Variants in ADAM20 observed in about 807,000 individuals in gnomAD.
ADAM20 encodes the protein ADAM metallopeptidase domain 20.
For synonymous variants in ADAM20, 305 were observed against 310.2 expected (o/e 0.98, Z 0.18); for missense variants, 871 against 883.2 (o/e 0.99, Z 0.18).
At chr14:70,541,503 A>G in the ADAM20 span, among the ~76,000 whole-genome samples, 1 of 152,366 alleles carries the variant, frequency 6.6e-6, no homozygotes, top group South Asian at 2.1e-4. Flanking sequence ...CTGCTCTTTT[A>G]CAAAAATTAT....
intron 1 of ADAM20, among the ~76,000 whole-genome samples, chr14:70,532,212 C>T (rs1226400628): frequency 2.0e-5 from 3 of 151,734 alleles, no homozygotes; most frequent in African/African-American, 7.3e-5. Flanking sequence ...ATAAAGGTGC[C>T]AAAACTACAC....
At chr14:70,546,884 CA>C in the ADAM20 span, among the ~76,000 whole-genome samples, 4 of 151,744 alleles carry the variant, frequency 2.6e-5, no homozygotes, top group South Asian at 8.3e-4. Flanking sequence ...GAAGAAAATA[CA>C]AAAAACAACA....
the ADAM20 span, among the ~76,000 whole-genome samples, chr14:70,578,249 A>C: frequency 6.6e-6 from 1 of 152,166 alleles, no homozygotes; most frequent in Non-Finnish European, 1.5e-5. Flanking sequence ...GGGAAAGGAT[A>C]CCCTATTCAG....
chr14:70,531,867 G>T (rs1883718552), intron 1 of ADAM20, among the ~76,000 whole-genome samples: 1 of 151,806 alleles, frequency 6.6e-6, no homozygotes, highest in Non-Finnish European at 1.5e-5. Flanking sequence ...TAAATAAATG[G>T]AAAGACATCT....
the ADAM20 span, among the ~76,000 whole-genome samples, chr14:70,570,377 G>C: frequency 6.6e-6 from 1 of 151,950 alleles, no homozygotes; most frequent in African/African-American, 2.4e-5. Context: ...TAGAGTGCTA[G>C]CAAGATTACT....
At chr14:70,564,764 T>C in the ADAM20 span, among the ~76,000 whole-genome samples, 1 of 103,668 alleles carries the variant, frequency 9.6e-6, no homozygotes, top group South Asian at 3.1e-4. Context: ...TTTTTTTTTT[T>C]AGCCAGGCAC....
chr14:70,577,589 C>T, the ADAM20 span, among the ~76,000 whole-genome samples: 3 of 152,212 alleles, frequency 2.0e-5, no homozygotes, highest in Admixed American at 1.3e-4. Context: ...ACTATAACCC[C>T]TAAAATTCAT....
chr14:70,542,391 T>C, the ADAM20 span, among the ~76,000 whole-genome samples: 3 of 152,218 alleles, frequency 2.0e-5, no homozygotes, highest in Admixed American at 6.5e-5. Flanking sequence ...ACTTGACTTA[T>C]GAAGCTAATA....
At chr14:70,540,896 G>A in the ADAM20 span, among the ~76,000 whole-genome samples, 1 of 152,180 alleles carries the variant, frequency 6.6e-6, no homozygotes, top group Non-Finnish European at 1.5e-5. Flanking sequence ...GGGTTCAAGA[G>A]ATTCTCTTGC....
At chr14:70,579,026 C>T in the ADAM20 span, among the ~76,000 whole-genome samples, 28,059 of 151,980 alleles carry the variant, frequency 0.18, 3,389 homozygotes, top group East Asian at 0.53. Flanking sequence ...ATTTGATTCA[C>T]TTTTATGGCT....
chr14:70,523,708 C>T lies in ADAM20; in HGVS notation c.1050G>A (p.Met350Ile). The T allele has an allele frequency of 6.2e-7, 1 of 1,614,024 alleles. No individual in the cohort carries two copies. Among genetic ancestry groups the T allele is most frequent in the Non-Finnish European group, 8.5e-7 (1 of 1,179,954 alleles). ...LGHELGHNLG[M>I]QHDTQWCVCE... ...ACACACACCACTGGGTGTCATGTTGCATACCCAAATTATGACCAAGCTCGT... is the reference window on the plus strand; with the variant it reads ...ACACACACCACTGGGTGTCATGTTGTATACCCAAATTATGACCAAGCTCGT... Residue 350 changes from methionine (M) to isoleucine (I), a missense_variant, in exon 2 of 2, where the codon ATG (methionine) becomes ATA (isoleucine). Transcript: ENST00000256389.
the ADAM20 span, among the ~76,000 whole-genome samples, chr14:70,568,247 C>T: frequency 6.6e-6 from 1 of 152,212 alleles, no homozygotes; most frequent in Non-Finnish European, 1.5e-5. Flanking sequence ...AAAGTCACTA[C>T]ACAGAGGCTA....
chr14:70,548,875 A>C, the ADAM20 span, among the ~76,000 whole-genome samples: 2 of 109,058 alleles, frequency 1.8e-5, no homozygotes. Flanking sequence ...AGTTGAAATG[A>C]AGGAAAAAAT....
At chr14:70,568,765 GAAGA>G in the ADAM20 span, among the ~76,000 whole-genome samples, 2 of 152,056 alleles carry the variant, frequency 1.3e-5, no homozygotes, top group Non-Finnish European at 2.9e-5. Flanking sequence ...ACACAAAGCA[GAAGA>G]AAGAATTTCA....
intron 1 of ADAM20, among the ~76,000 whole-genome samples, chr14:70,532,407 T>C (rs1883732540): frequency 6.6e-6 from 1 of 151,994 alleles, no homozygotes; most frequent in Non-Finnish European, 1.5e-5. Flanking sequence ...ACAGCATTTG[T>C]TTTTGCAATG....
chr14:70,555,798 TCTTA>T, the ADAM20 span, among the ~76,000 whole-genome samples: 2 of 152,180 alleles, frequency 1.3e-5, no homozygotes, highest in Non-Finnish European at 2.9e-5. Flanking sequence ...CTCTGCACCC[TCTTA>T]CTTCTCCCTT....
upstream of ADAM20, among the ~76,000 whole-genome samples, chr14:70,538,067 A>G (rs1327747223): frequency 6.6e-6 from 1 of 152,080 alleles, no homozygotes; most frequent in Non-Finnish European, 1.5e-5. Flanking sequence ...TTGACCCTGC[A>G]GATGAATCCC....
chr14:70,561,494 TAAGTA>T, the ADAM20 span, among the ~76,000 whole-genome samples: 1 of 152,212 alleles, frequency 6.6e-6, no homozygotes, highest in Non-Finnish European at 1.5e-5. Flanking sequence ...GAAATTTGCA[TAAGTA>T]AAGAGGAGCT....
chr14:70,547,127 A>G, the ADAM20 span, among the ~76,000 whole-genome samples: 2 of 152,220 alleles, frequency 1.3e-5, no homozygotes, highest in Admixed American at 1.3e-4. Context: ...GACACACACA[A>G]CCTACAAGAT....
Sources: allele counts gnomAD v4.1 joint callset (sites outside exome capture counted in the v4.1 genomes callset), GRCh38; gene constraint gnomAD v4.1.1; transcripts MANE v1.5; gene names NCBI Gene and HGNC (gene_info 2026-07-23, HGNC 2026-07-21).